The following ITFG1 variants were observed in gnomAD, a reference collection of about 807,000 sequenced individuals.
ITFG1 encodes integrin alpha FG-GAP repeat containing 1.
In ITFG1, 34 loss-of-function variants were observed where a neutral mutation model predicts 81.8. The observed-to-expected ratio is 0.42, with a 90% confidence interval of 0.32 to 0.55. The LOEUF (loss-of-function observed/expected upper bound fraction) is 0.55, where lower values mean the gene tolerates loss of function less well. Ranked by LOEUF, ITFG1 falls within the 20% of genes least tolerant of loss-of-function variation. The pLI is 0.17. For missense variants in ITFG1, 672 were observed against 755.4 expected, an observed-to-expected ratio of 0.89 and a Z score of 1.29; for synonymous variants, 285 against 270.6, an observed-to-expected ratio of 1.05 and a Z score of -0.52.
intron 6 of ITFG1, among the ~76,000 whole-genome samples, chr16:47,401,101 T>C (rs1968656328): frequency 6.6e-6 from 1 of 152,130 alleles, no homozygotes; most frequent in African/African-American, 2.4e-5. Context: ...TGCAATGGAA[T>C]GCACAGAAGT....
intron 7 of ITFG1, among the ~76,000 whole-genome samples, chr16:47,366,904 C>T (rs1363941683): frequency 6.6e-6 from 1 of 152,172 alleles, no homozygotes; most frequent in African/African-American, 2.4e-5. Flanking sequence ...TGGGGGACTT[C>T]TCCCCACCAT....
chr16:47,392,349 C>T (rs1041829445), intron 6 of ITFG1, among the ~76,000 whole-genome samples: 3 of 152,270 alleles, frequency 2.0e-5, no homozygotes, highest in East Asian at 1.9e-4. Context: ...GGGGGAAGAG[C>T]GTCCTGCTGG....
At chr16:47,313,871 G>T in intron 8 of ITFG1, 48 bp from the exon 9 acceptor site, 1 of 1,028,836 alleles carries the variant, frequency 9.7e-7, no homozygotes. Flanking sequence ...AAAATAAAGT[G>T]TTCTTGTATG....
At chr16:47,346,245 C>T (rs984100884) in intron 8 of ITFG1, among the ~76,000 whole-genome samples, 1 of 152,110 alleles carries the variant, frequency 6.6e-6, no homozygotes, top group Non-Finnish European at 1.5e-5. Flanking sequence ...TTGTTTCCAA[C>T]CACAACTGTA....
chr16:47,293,395 G>A (rs1966937676), intron 10 of ITFG1, among the ~76,000 whole-genome samples: 1 of 151,712 alleles, frequency 6.6e-6, no homozygotes, highest in Admixed American at 6.6e-5. Flanking sequence ...TGCATCGAAT[G>A]GTAGTTCTAT....
intron 7 of ITFG1, among the ~76,000 whole-genome samples, chr16:47,375,066 T>A (rs935365430): frequency 1.3e-5 from 2 of 152,216 alleles, no homozygotes; most frequent in Admixed American, 6.5e-5. Flanking sequence ...AGATGGGAAA[T>A]CAACAGACCT....
intron 8 of ITFG1, among the ~76,000 whole-genome samples, chr16:47,332,188 T>TATA (rs1967645864): frequency 6.6e-6 from 1 of 151,260 alleles, no homozygotes; most frequent in African/African-American, 2.4e-5. Flanking sequence ...AAACTTAAAG[T>TATA]ATAATAATAA....
intron 8 of ITFG1, among the ~76,000 whole-genome samples, chr16:47,353,426 A>T (rs1427686777): frequency 6.6e-6 from 1 of 152,144 alleles, no homozygotes; most frequent in Non-Finnish European, 1.5e-5. Flanking sequence ...TATATGACAA[A>T]CCTACAGCTA....
intron 12 of ITFG1, among the ~76,000 whole-genome samples, chr16:47,241,270 T>C (rs2151535187): frequency 6.6e-6 from 1 of 152,330 alleles, no homozygotes; most frequent in African/African-American, 2.4e-5. Context: ...AAAGTTCTCC[T>C]TTGACCCAGT....
chr16:47,356,441 A>C (rs560626736), intron 8 of ITFG1, among the ~76,000 whole-genome samples: 11 of 152,238 alleles, frequency 7.2e-5, no homozygotes, highest in Non-Finnish European at 1.5e-4. Flanking sequence ...AGGCAGGGGC[A>C]AGTTAAATAC....
chr16:47,245,740 G>C (rs563778985), intron 12 of ITFG1, among the ~76,000 whole-genome samples: 1 of 152,008 alleles, frequency 6.6e-6, no homozygotes, highest in African/African-American at 2.4e-5. Flanking sequence ...TAAGTGCCAA[G>C]CTGTGAACAC....
intron 10 of ITFG1, among the ~76,000 whole-genome samples, chr16:47,278,515 T>C (rs1259834747): frequency 6.6e-6 from 1 of 152,166 alleles, no homozygotes; most frequent in African/African-American, 2.4e-5. Context: ...CCAGGCAGTA[T>C]GCAAGAGAGA....
At chr16:47,422,291 C>T (rs1968960795) in intron 6 of ITFG1, among the ~76,000 whole-genome samples, 1 of 152,218 alleles carries the variant, frequency 6.6e-6, no homozygotes, top group Admixed American at 6.5e-5. Context: ...TACACTCACA[C>T]CAACAGTGTA....
intron 8 of ITFG1, among the ~76,000 whole-genome samples, chr16:47,326,687 A>T (rs12933722): frequency 4.6e-5 from 7 of 152,202 alleles, no homozygotes; most frequent in Non-Finnish European, 8.8e-5. Context: ...AAAACAGACA[A>T]ACAGAGAGTC....
intron 6 of ITFG1, among the ~76,000 whole-genome samples, chr16:47,381,746 T>C (rs1968398670): frequency 1.3e-5 from 2 of 152,168 alleles, no homozygotes; most frequent in South Asian, 4.1e-4. Flanking sequence ...CATTAAAAAG[T>C]ATACTGAAGG....
At position 47,183,184 on chromosome 16, in the gene ITFG1, G is replaced by A. The variant is rs552907763; in HGVS notation, c.1454-20520C>T. 1.3e-4 allele frequency among the ~76,000 whole-genome samples: 20 copies of A among 152,348 alleles called. No individual in the cohort carries two copies. The South Asian group carries it at 3.5e-3, about 27-fold the overall frequency. Reference sequence around the variant, plus strand: ...CAGCAGTCTGAGATCAAACTGCAAGGCGGCAGCGAGGCTGGGGGAGGGGTG... The same window carrying A: ...CAGCAGTCTGAGATCAAACTGCAAGACGGCAGCGAGGCTGGGGGAGGGGTG... On this transcript the variant is annotated intron_variant, in intron 14 of 17. Coordinates refer to ENST00000320640, the MANE Select transcript of ITFG1 (RefSeq NM_030790.5).
intron 5 of ITFG1, among the ~76,000 whole-genome samples, chr16:47,445,112 A>T (rs1330633150): frequency 2.8e-5 from 3 of 105,780 alleles, no homozygotes; most frequent in Admixed American, 8.7e-5. Flanking sequence ...AATGTACATT[A>T]AAAAAAAAAA....
chr16:47,221,357 T>G (rs1006909752), intron 13 of ITFG1, among the ~76,000 whole-genome samples: 3 of 152,224 alleles, frequency 2.0e-5, no homozygotes, highest in Non-Finnish European at 2.9e-5. Flanking sequence ...GGTTTTTGTC[T>G]TTGGTTCTGT....
chr16:47,336,478 G>A (rs191694995), intron 8 of ITFG1, among the ~76,000 whole-genome samples: 15 of 152,276 alleles, frequency 9.9e-5, no homozygotes, highest in Admixed American at 8.5e-4. Context: ...CTGTTCTAAC[G>A]TGTCTAGGGA....
Sources: allele counts gnomAD v4.1 joint callset (sites outside exome capture counted in the v4.1 genomes callset), GRCh38; gene constraint gnomAD v4.1.1; transcripts MANE v1.5; gene names NCBI Gene and HGNC (gene_info 2026-07-23, HGNC 2026-07-21).